The following PSMF1 variants were observed in gnomAD, a reference collection of about 807,000 sequenced individuals.
PSMF1 encodes proteasome inhibitor subunit 1, also known as proteasome inhibitor PI31 subunit.
PSMF1 carries 30 observed loss-of-function variants against 29.3 expected under a neutral mutation model. The ratio of observed to expected loss-of-function variants is 1.02; its 90% CI spans 0.77 to 1.39. PSMF1 has a LOEUF of 1.39. Ranked by LOEUF, PSMF1 falls within the 40% of genes most tolerant of loss-of-function variation. The pLI is 0.00. For synonymous variants in PSMF1, 134 were observed against 139.7 expected (o/e 0.96, Z 0.29); for missense variants, 344 against 357.5 (o/e 0.96, Z 0.31).
At chr20:1,132,316 C>T (rs1408465845) in intron 3 of PSMF1, among the ~76,000 whole-genome samples, 1 of 150,024 alleles carries the variant, frequency 6.7e-6, no homozygotes, top group African/African-American at 2.5e-5. Context: ...CTCAAAAAGG[C>T]TCAGGCTGGA....
chr20:1,165,977 G>A lies in PSMF1; in HGVS notation c.*897G>A. 2.9e-6 allele frequency: 4 copies of A among 1,396,170 alleles called. No homozygotes were observed. The highest frequency in any genetic ancestry group is 3.7e-6 in the Non-Finnish European group (4 of 1,074,912). The allele number at this position is 1,396,170 out of a possible 1,614,324, so 86.5% of individuals were successfully genotyped here. Reference sequence around the variant, plus strand: ...CTTTCCTGCTCTAAAGCATTTTGATGTCTCATTCTGTGTTTGGTAACCCCT... The same window carrying A: ...CTTTCCTGCTCTAAAGCATTTTGATATCTCATTCTGTGTTTGGTAACCCCT... On this transcript the variant is annotated 3_prime_UTR_variant, in exon 7 of 7. Coordinates refer to ENST00000335877, the MANE Select transcript of PSMF1 (RefSeq NM_006814.5).
intron 4 of PSMF1, among the ~76,000 whole-genome samples, chr20:1,148,551 T>C (rs2086485819): frequency 6.6e-6 from 1 of 152,262 alleles, no homozygotes; most frequent in African/African-American, 2.4e-5. Context: ...TCTGTATCTT[T>C]ACATATTTTT....
chr20:1,117,094 G>A (rs2086018586), upstream of PSMF1, among the ~76,000 whole-genome samples: 1 of 152,196 alleles, frequency 6.6e-6, no homozygotes, highest in Admixed American at 6.5e-5. Context: ...TGAGAGTGGA[G>A]TCAACTAGCT....
At position 1,165,851 on chromosome 20, in the gene PSMF1, C is replaced by T. The variant is rs6032989; in HGVS notation, c.*771C>T. ...AAGCCAAGGAAAAAACAGAGCAGACCTGAAGGCTAATCTTATTTTTGCCAC... is the reference window on the plus strand; with the variant it reads ...AAGCCAAGGAAAAAACAGAGCAGACTTGAAGGCTAATCTTATTTTTGCCAC... On this transcript the variant is annotated 3_prime_UTR_variant, in exon 7 of 7. Coordinates refer to ENST00000335877, the MANE Select transcript of PSMF1 (RefSeq NM_006814.5). 6.2e-6 allele frequency: 7 copies of T among 1,138,138 alleles called. No individual in the cohort carries two copies. In the South Asian group the frequency reaches 1.8e-4, roughly 30 times the overall value. 70.5% of individuals were successfully genotyped at this position (1,138,138 alleles called of 1,614,324 possible). A position where few individuals can be genotyped will look rare whatever the true frequency, so the allele number is the denominator to read the frequency against.
chr20:1,144,706 A>G (rs1301480818), intron 4 of PSMF1, among the ~76,000 whole-genome samples: 1 of 152,224 alleles, frequency 6.6e-6, no homozygotes, highest in Non-Finnish European at 1.5e-5. Context: ...CCACTTACAT[A>G]ACATTTTTAA....
intron 4 of PSMF1, among the ~76,000 whole-genome samples, chr20:1,142,886 A>C (rs1490010409): frequency 6.6e-6 from 1 of 152,254 alleles, no homozygotes; most frequent in African/African-American, 2.4e-5. Context: ...CAGTCCCACC[A>C]ACAGTGTAAA....
chr20:1,153,689 T>C (rs1477065281), intron 4 of PSMF1, among the ~76,000 whole-genome samples: 2 of 152,170 alleles, frequency 1.3e-5, no homozygotes, highest in Non-Finnish European at 2.9e-5. Flanking sequence ...GTGAAATATA[T>C]CTTTCTTCCC....
rs2086692895 is a variant in PSMF1 at position 1,163,555 on chromosome 20, C to G, written c.605+372C>G. Among the ~76,000 whole-genome samples the G allele has an allele frequency of 6.6e-6, 1 of 152,238 alleles. No individual in the cohort carries two copies. ...GGGAGTCTCTGAGCCCCATTAGACTCTGGATGGTTCTTATGCATCCAACAA... is the reference window on the plus strand; with the variant it reads ...GGGAGTCTCTGAGCCCCATTAGACTGTGGATGGTTCTTATGCATCCAACAA... On this transcript the variant is annotated intron_variant, in intron 5 of 6. Transcript: ENST00000335877. This position sits in a 1 kb window ranked among gnomAD's most constrained non-coding sequence, Gnocchi z 6.1.
upstream of PSMF1, among the ~76,000 whole-genome samples, chr20:1,115,907 A>AG (rs962283151): frequency 3.4e-4 from 52 of 151,206 alleles, no homozygotes; most frequent in Middle Eastern, 6.9e-3. Context: ...TAATTTTTGT[A>AG]TTTTTAGTAG....
At chr20:1,156,758 G>A (rs6040199) in intron 4 of PSMF1, among the ~76,000 whole-genome samples, 90,058 of 152,036 alleles carry the variant, frequency 0.59, 26,876 homozygotes, top group East Asian at 0.81. Flanking sequence ...CTCAAAAGGA[G>A]TTTTAAAAGG....
chr20:1,142,109 C>T (rs911524836), intron 4 of PSMF1, among the ~76,000 whole-genome samples: 1 of 152,136 alleles, frequency 6.6e-6, no homozygotes, highest in African/African-American at 2.4e-5. Flanking sequence ...GTAATCCCAG[C>T]TACTCGGGAG....
intron 4 of PSMF1, chr20:1,161,401 C>T (rs2086665354): frequency 5.3e-6 from 2 of 376,470 alleles, no homozygotes; most frequent in East Asian, 1.1e-4. Flanking sequence ...ATCCATGAGA[C>T]CACCTTCAGC....
At chr20:1,133,569 A>ATATATATATATATATATATTTTTTTTTTT in intron 3 of PSMF1, among the ~76,000 whole-genome samples, 4 of 53,286 alleles carry the variant, frequency 7.5e-5, no homozygotes, top group Admixed American at 2.0e-4. Context: ...ATATATATAT[A>ATATATATATATATATATATTTTTTTTTTT]TTTTTTTTTT....
intron 4 of PSMF1, chr20:1,161,749 A>G (rs2086669664): frequency 6.2e-6 from 3 of 480,232 alleles, no homozygotes; most frequent in Admixed American, 2.7e-5. Context: ...ATTCACACGT[A>G]TAAATTTGCC....
chr20:1,159,097 G>A (rs2086633769), intron 4 of PSMF1, among the ~76,000 whole-genome samples: 1 of 152,038 alleles, frequency 6.6e-6, no homozygotes, highest in South Asian at 2.1e-4. Context: ...TTCTAAGTGT[G>A]TAAATAATGA....
upstream of PSMF1, among the ~76,000 whole-genome samples, chr20:1,115,737 CT>C (rs11087011): frequency 3.3e-4 from 47 of 142,880 alleles, no homozygotes; most frequent in African/African-American, 1.0e-3. Flanking sequence ...CCTTAATCCA[CT>C]TTTTTTTTTT....
At chr20:1,129,066 A>T (rs1209687920) in intron 3 of PSMF1, among the ~76,000 whole-genome samples, 1 of 151,656 alleles carries the variant, frequency 6.6e-6, no homozygotes, top group African/African-American at 2.4e-5. Flanking sequence ...ATTTTAGTAG[A>T]GATGGGGTTT....
At chr20:1,143,512 A>G (rs1352873363) in intron 4 of PSMF1, among the ~76,000 whole-genome samples, 1 of 152,250 alleles carries the variant, frequency 6.6e-6, no homozygotes, top group Non-Finnish European at 1.5e-5. Context: ...GTAACATACA[A>G]TACCACAGCA....
chr20:1,140,514 C>T lies in PSMF1; in HGVS notation c.551+5208C>T, dbSNP rs865913652. ...TAGAAATAAGTCTACCTTGGGTAGT[C>T]TTATTCCCTGACCTTCAGTTAGACT... On this transcript the variant is annotated intron_variant, in intron 4 of 6. Coordinates refer to ENST00000335877, the MANE Select transcript of PSMF1 (RefSeq NM_006814.5). Among the ~76,000 whole-genome samples, 6 of 152,288 alleles carry T rather than the reference C, an allele frequency of 3.9e-5. No individual in the cohort carries two copies. The East Asian group carries it at 7.7e-4, about 20-fold the overall frequency.
Sources: gnomAD v4.1 joint callset for allele counts (sites outside exome capture counted in the v4.1 genomes callset) on GRCh38, gnomAD v4.1.1 for gene constraint, Gnocchi (gnomAD v3.1) non-coding constraint, MANE v1.5 for transcripts, NCBI Gene and HGNC (gene_info 2026-07-23, HGNC 2026-07-21) for gene names.